Variants in DNAJC11 observed in about 807,000 individuals in gnomAD.
The protein encoded by DNAJC11 is dnaJ homolog subfamily C member 11.
In DNAJC11, 15 loss-of-function variants were observed where a neutral mutation model predicts 78.6. The ratio of observed to expected loss-of-function variants is 0.19; its 90% CI spans 0.13 to 0.29. The LOEUF (loss-of-function observed/expected upper bound fraction) is 0.29. Among genes scored for constraint, DNAJC11 ranks in the 10% least tolerant of loss-of-function variants. The probability of loss-of-function intolerance (pLI) is 1.00; values close to 1 mark genes in which losing one functional copy is unlikely to be tolerated. For missense variants in DNAJC11, 547 were observed against 709.6 expected (o/e 0.77, Z 2.60); for synonymous variants, 292 against 272.1 (o/e 1.07, Z -0.72).
In DNAJC11 at chr1:6,637,520, G is replaced by A. The variant is rs919208368; in HGVS notation, c.1324-16C>T. On this transcript the variant is annotated splice_polypyrimidine_tract_variant and intron_variant, in intron 12 of 15. Coordinates refer to ENST00000377577, the MANE Select transcript of DNAJC11 (RefSeq NM_018198.4). ...TCAGCCGGACCTGCCAGAGAACAAG[G>A]ATGACACAGTCAGGGCCCTGCCAGG... 2 of 1,614,054 alleles carry A rather than the reference G, an allele frequency of 1.2e-6. No individual in the cohort carries two copies. Among genetic ancestry groups the A allele is most frequent in the African/African-American group, 1.3e-5 (1 of 74,932 alleles).
intron 4 of DNAJC11, among the ~76,000 whole-genome samples, chr1:6,660,618 G>A (rs1032228531): frequency 1.3e-5 from 2 of 152,052 alleles, no homozygotes; most frequent in African/African-American, 4.8e-5. Context: ...ATTACTTTGC[G>A]AATAAATCAA....
At chr1:6,664,426 G>A (rs897851622) in intron 4 of DNAJC11, among the ~76,000 whole-genome samples, 2 of 152,034 alleles carry the variant, frequency 1.3e-5, no homozygotes, top group Non-Finnish European at 2.9e-5. Context: ...TTTTAGTAGA[G>A]ACAGGGTTTC....
intron 4 of DNAJC11, among the ~76,000 whole-genome samples, chr1:6,655,088 C>CT: frequency 6.6e-6 from 1 of 152,298 alleles, no homozygotes; most frequent in East Asian, 1.9e-4. Context: ...TGAGCCACCG[C>CT]GCCCAGCTGG....
intron 10 of DNAJC11, among the ~76,000 whole-genome samples, chr1:6,642,052 C>A (rs1641886057): frequency 1.3e-5 from 2 of 152,076 alleles, no homozygotes; most frequent in South Asian, 4.1e-4. Context: ...GAAATGGCCA[C>A]GTATTTATCT....
chr1:6,645,077 T>C lies in DNAJC11; in HGVS notation c.944A>G (p.Gln315Arg), dbSNP rs1226609809. 6.2e-7 allele frequency: 1 copy of C among 1,614,066 alleles called. No individual in the cohort carries two copies. The highest frequency in any genetic ancestry group is 1.7e-5 in the Admixed American group (1 of 60,014). ...FALISYQHKF[Q>R]DDDQTRVKGS... ...TTTCACACGAGTCTGATCGTCATCT[T>C]GGAATTTGTGCTGATAGCTGATCAG... The change falls in exon 9 of 16, where the codon CAA (glutamine) becomes CGA (arginine). Residue 315 changes from glutamine to arginine, a missense_variant. Transcript: ENST00000377577. This position sits in a 1 kb window ranked among gnomAD's most constrained non-coding sequence, Gnocchi z 4.1.
Position 6,670,002 on chromosome 1 carries a change from G to A in DNAJC11, c.277-2192C>T, listed in dbSNP as rs1432025575. 2.6e-5 allele frequency among the ~76,000 whole-genome samples: 4 copies of A among 151,074 alleles called. No individual in the cohort carries two copies. In the South Asian group the frequency reaches 8.5e-4, roughly 32 times the overall value. On this transcript the variant is annotated intron_variant, in intron 3 of 15. Coordinates refer to ENST00000377577, the MANE Select transcript of DNAJC11 (RefSeq NM_018198.4). ...GGAGTCTTGCTTTGTCGCCCAGGCTGGAGTGCGGTGGTGCGATCTCAGCTC... is the reference window on the plus strand; with the variant it reads ...GGAGTCTTGCTTTGTCGCCCAGGCTAGAGTGCGGTGGTGCGATCTCAGCTC...
rs1298194498 is a variant in DNAJC11, at chr1:6,636,106, C to T, written c.1654+11G>A. ...CCGTTAGCTGGTGACTGCGAAGGGA[C>T]GGCTACTCACACTGCTTTGGTATCC... On this transcript the variant is annotated intron_variant, in intron 15 of 15. Coordinates refer to ENST00000377577, the MANE Select transcript of DNAJC11 (RefSeq NM_018198.4). 1.2e-5 allele frequency: 19 copies of T among 1,612,298 alleles called. No homozygotes were observed. The highest frequency in any genetic ancestry group is 3.4e-5 in the Admixed American group (2 of 59,654).
rs1642082820 is a variant in DNAJC11 at position 6,653,278 on chromosome 1, C to T, written c.508-327G>A. On this transcript the variant is annotated intron_variant, in intron 5 of 15. Transcript: ENST00000377577. The surrounding 1 kb of genome is among the most constrained non-coding windows in gnomAD (Gnocchi z 4.5). ...GTGCCTTCCCTCTGTGGTTTGCCAT[C>T]AGGGTTCCAGGGGGACTGAAGACCT... is the stretch of plus-strand genomic sequence containing the variant. 6.6e-6 allele frequency among the ~76,000 whole-genome samples: 1 copy of T among 152,322 alleles called. No homozygotes were observed. The highest frequency in any genetic ancestry group is 2.4e-5 in the African/African-American group (1 of 41,574).
rs74352049 is a variant in DNAJC11 at position 6,680,404 on chromosome 1, T to C, written c.202+504A>G. ...AACAAATATATCACAGAATGTTCTT[T>C]CTGACATACATAAGACATAAGTATA... On this transcript the variant is annotated intron_variant, in intron 2 of 15. Transcript: ENST00000377577. This position sits in a 1 kb window ranked among gnomAD's most constrained non-coding sequence, Gnocchi z 4.0. Among the ~76,000 whole-genome samples, 1 of 152,212 alleles carries C rather than the reference T, an allele frequency of 6.6e-6. No homozygotes were observed. The highest frequency in any genetic ancestry group is 1.5e-5 in the Non-Finnish European group (1 of 68,026).
intron 1 of DNAJC11, among the ~76,000 whole-genome samples, chr1:6,687,395 C>A (rs983383809): frequency 1.5e-5 from 2 of 136,926 alleles, no homozygotes; most frequent in African/African-American, 5.4e-5. Context: ...CTCGCTCTGT[C>A]GCCCAGGCTG....
chr1:6,679,890 T>C (rs1413065264), intron 2 of DNAJC11, among the ~76,000 whole-genome samples: 3 of 152,230 alleles, frequency 2.0e-5, no homozygotes, highest in Admixed American at 6.5e-5. Flanking sequence ...AACAGGCTAC[T>C]CTTCACAACC....
intron 14 of DNAJC11, among the ~76,000 whole-genome samples, chr1:6,636,570 G>C (rs2148725730): frequency 6.6e-6 from 1 of 152,286 alleles, no homozygotes; most frequent in African/African-American, 2.4e-5. Flanking sequence ...CATGTTACAA[G>C]TGACCTCATG....
At chr1:6,684,942 A>G (rs890790739) in intron 1 of DNAJC11, among the ~76,000 whole-genome samples, 1 of 152,138 alleles carries the variant, frequency 6.6e-6, no homozygotes, top group African/African-American at 2.4e-5. Flanking sequence ...CATACAAAAT[A>G]TCTTCTCCTA....
chr1:6,682,065 G>A (rs752750122), intron 1 of DNAJC11, among the ~76,000 whole-genome samples: 7 of 148,994 alleles, frequency 4.7e-5, no homozygotes, highest in African/African-American at 9.9e-5. Context: ...CCCAGGAGGC[G>A]ATGTGAGGAT....
In DNAJC11 at chr1:6,639,962, A is replaced by G; in HGVS notation, c.1193T>C (p.Val398Ala). ...AMFYATVGPL[V>A]VYFAMHRLII... ...CAGACGGTGCATGGCAAAGTAGACC[A>G]CTAGAGGCCCCACGGTGGCATAGAA... Residue 398 changes from valine to alanine, a missense_variant, in exon 11 of 16, where the codon GTG (valine) becomes GCG (alanine). Transcript: ENST00000377577. The G allele has an allele frequency of 6.2e-7, 1 of 1,613,564 alleles. No homozygotes were observed. The highest frequency in any genetic ancestry group is 8.5e-7 in the Non-Finnish European group (1 of 1,179,932).
chr1:6,657,074 A>ACAGAGCCCT (rs1642137714), intron 4 of DNAJC11, among the ~76,000 whole-genome samples: 1 of 152,126 alleles, frequency 6.6e-6, no homozygotes, highest in African/African-American at 2.4e-5. Context: ...GCCTGCGGGT[A>ACAGAGCCCT]CTCACACCCT....
chr1:6,666,876 G>A (rs1312641105), intron 4 of DNAJC11, among the ~76,000 whole-genome samples: 1 of 152,184 alleles, frequency 6.6e-6, no homozygotes, highest in Non-Finnish European at 1.5e-5. Flanking sequence ...CTCTCTGCCA[G>A]GCCATCCTGG....
At chr1:6,676,033 T>G (rs1374777123) in intron 3 of DNAJC11, among the ~76,000 whole-genome samples, 3 of 152,136 alleles carry the variant, frequency 2.0e-5, no homozygotes, top group Non-Finnish European at 4.4e-5. Context: ...ACAACAGAAT[T>G]CTACTTTCCT....
At chr1:6,699,518 C>T (rs1642891289) in intron 1 of DNAJC11, among the ~76,000 whole-genome samples, 2 of 152,084 alleles carry the variant, frequency 1.3e-5, no homozygotes, top group Admixed American at 6.6e-5. Flanking sequence ...AGACTAAGTA[C>T]GAATGATTTC....
Sources: gnomAD v4.1 joint callset for allele counts (sites outside exome capture counted in the v4.1 genomes callset) on GRCh38, gnomAD v4.1.1 for gene constraint, Gnocchi (gnomAD v3.1) non-coding constraint, MANE v1.5 for transcripts, NCBI Gene and HGNC (gene_info 2026-07-23, HGNC 2026-07-21) for gene names.